Variants in ITPR2 observed in about 807,000 individuals in gnomAD.
ITPR2 encodes the protein inositol 1,4,5-trisphosphate-gated calcium channel ITPR2.
Under a neutral mutation model 317.1 loss-of-function variants are expected in ITPR2, and 207 were observed. That is an observed-to-expected ratio of 0.65 (90% CI 0.58 to 0.73). ITPR2 has a LOEUF of 0.73. Among genes scored for constraint, ITPR2 ranks in the 30% least tolerant of loss-of-function variants. ITPR2 has a pLI of 0.00. For missense variants in ITPR2, 2,613 were observed against 3,284.0 expected (o/e 0.80, Z 4.99); for synonymous variants, 1,156 against 1,149.1 (o/e 1.01, Z -0.12).
intron 52 of ITPR2, among the ~76,000 whole-genome samples, chr12:26,409,515 A>T (rs1940470944): frequency 6.6e-6 from 1 of 152,188 alleles, no homozygotes; most frequent in African/African-American, 2.4e-5. Flanking sequence ...GAAATCTTCT[A>T]GAACAGAGGT....
At chr12:26,626,032 A>C (rs1224997369) in intron 23 of ITPR2, among the ~76,000 whole-genome samples, 1 of 152,020 alleles carries the variant, frequency 6.6e-6, no homozygotes, top group African/African-American at 2.4e-5. Context: ...CACAACTTCA[A>C]CTCACTGCAG....
chr12:26,694,051 G>T (rs1948288549), intron 10 of ITPR2, among the ~76,000 whole-genome samples: 1 of 152,208 alleles, frequency 6.6e-6, no homozygotes, highest in African/African-American at 2.4e-5. Flanking sequence ...TGCTGAAGAA[G>T]TCACACAGAA....
Position 26,715,395 on chromosome 12 carries a change from A to G in ITPR2, c.759T>C (p.Cys253=), listed in dbSNP as rs772759279. The G allele has an allele frequency of 5.6e-6, 9 of 1,613,566 alleles. No homozygotes were observed. The highest frequency in any genetic ancestry group is 1.7e-5 in the Admixed American group (1 of 59,948). The part of the protein sequence containing the change: ...FHAEQEKFLT[C]DEYEKKQHIF... ...TGTGCTGTTTTTTCTCATATTCATCACAAGTCAAAAACTTCTCTTGTTCCG... is the reference window on the plus strand; with the variant it reads ...TGTGCTGTTTTTTCTCATATTCATCGCAAGTCAAAAACTTCTCTTGTTCCG... The change falls in exon 8 of 57, where the codon TGT becomes TGC. Residue 253 remains cysteine, a synonymous_variant. Coordinates refer to ENST00000381340, the MANE Select transcript of ITPR2 (RefSeq NM_002223.4).
chr12:26,594,941 T>C (rs1372833398), intron 32 of ITPR2, among the ~76,000 whole-genome samples: 2 of 152,142 alleles, frequency 1.3e-5, no homozygotes, highest in African/African-American at 2.4e-5. Flanking sequence ...TAAGCGAATA[T>C]AATTTGGTGG....
At chr12:26,428,903 A>T (rs1040102136) in intron 48 of ITPR2, among the ~76,000 whole-genome samples, 1 of 152,186 alleles carries the variant, frequency 6.6e-6, no homozygotes, top group Non-Finnish European at 1.5e-5. Flanking sequence ...GGCTGATTGG[A>T]TCAGCTCTGG....
chr12:26,547,062 A>C lies in ITPR2; in HGVS notation c.5073+3185T>G, dbSNP rs1350930735. Among the ~76,000 whole-genome samples, 6 of 152,334 alleles carry C rather than the reference A, an allele frequency of 3.9e-5. No individual in the cohort carries two copies. In the South Asian group the frequency reaches 6.2e-4, roughly 16 times the overall value. On this transcript the variant is annotated intron_variant, in intron 37 of 56. Coordinates refer to ENST00000381340, the MANE Select transcript of ITPR2 (RefSeq NM_002223.4). ...AAAAATAGACAAATGGGACTATCTT[A>C]AACTAAAAAGCTTCTGCACAGCAGA...
At chr12:26,674,755 A>G (rs9795847) in intron 13 of ITPR2, among the ~76,000 whole-genome samples, 32,280 of 152,086 alleles carry the variant, frequency 0.21, 4,111 homozygotes, top group East Asian at 0.55. Context: ...CAGAGTGAAC[A>G]GGCAACCCAC....
intron 45 of ITPR2, 126 bp from the exon 46 acceptor site, chr12:26,443,776 A>G: frequency 1.7e-6 from 1 of 578,528 alleles, no homozygotes; most frequent in East Asian, 3.0e-5. Flanking sequence ...AATTAGTTAC[A>G]CTTCAGGAAA....
intron 55 of ITPR2, among the ~76,000 whole-genome samples, chr12:26,347,134 T>C (rs1159896564): frequency 6.6e-6 from 1 of 152,220 alleles, no homozygotes; most frequent in Admixed American, 6.5e-5. Context: ...AGTTCTTCCA[T>C]ATTACATAGT....
intron 37 of ITPR2, among the ~76,000 whole-genome samples, chr12:26,515,319 T>C (rs1162693300): frequency 1.3e-5 from 2 of 152,176 alleles, no homozygotes; most frequent in Non-Finnish European, 2.9e-5. Context: ...TCTCATTTTC[T>C]ACAGTGATTT....
chr12:26,761,431 C>T (rs555304947), intron 2 of ITPR2, among the ~76,000 whole-genome samples: 2 of 152,198 alleles, frequency 1.3e-5, no homozygotes, highest in East Asian at 3.9e-4. Flanking sequence ...AACAAAGCAA[C>T]AGTGACTGGC....
rs553438710 is a variant in ITPR2, at chr12:26,495,243, C to A, written c.5091G>T (p.Lys1697Asn). ...CTTTAAAGTATCGATTCAGAAGTAT[C>A]TTTCTTAATGTGTTACCCTAATAAG... ...SFVEEGNTLR[K>N]ILLNRYFKGD... The change falls in exon 38 of 57, where the codon AAG (lysine) becomes AAT (asparagine). Residue 1697 changes from lysine (K) to asparagine (N), a missense_variant. Coordinates refer to ENST00000381340, the MANE Select transcript of ITPR2 (RefSeq NM_002223.4). 2 of 1,579,956 alleles carry A rather than the reference C, an allele frequency of 1.3e-6. No homozygotes were observed. The highest frequency in any genetic ancestry group is 1.3e-5 in the African/African-American group (1 of 74,354).
intron 48 of ITPR2, among the ~76,000 whole-genome samples, chr12:26,432,323 T>A (rs1011217575): frequency 2.0e-5 from 3 of 152,206 alleles, no homozygotes; most frequent in South Asian, 2.1e-4. Context: ...TATGTTGTAG[T>A]ATATCCCTCA....
intron 35 of ITPR2, among the ~76,000 whole-genome samples, chr12:26,561,430 G>A (rs911502611): frequency 2.0e-5 from 3 of 152,092 alleles, no homozygotes; most frequent in Non-Finnish European, 4.4e-5. Context: ...GGATTAGAAG[G>A]GAATACTAAA....
intron 34 of ITPR2, among the ~76,000 whole-genome samples, chr12:26,568,794 A>C (rs1439715809): frequency 1.3e-5 from 2 of 152,188 alleles, no homozygotes; most frequent in Admixed American, 1.3e-4. Flanking sequence ...AGAATGGCAC[A>C]TTTCCTGTAT....
intron 34 of ITPR2, among the ~76,000 whole-genome samples, chr12:26,573,627 G>T (rs1045428879): frequency 6.6e-6 from 1 of 152,194 alleles, no homozygotes; most frequent in African/African-American, 2.4e-5. Context: ...CTTATATTTT[G>T]AACTGAGATC....
intron 30 of ITPR2, among the ~76,000 whole-genome samples, chr12:26,597,985 T>C (rs1393800697): frequency 6.6e-6 from 1 of 152,214 alleles, no homozygotes; most frequent in African/African-American, 2.4e-5. Context: ...AATGTATGTG[T>C]ATCAAAAATA....
intron 33 of ITPR2, among the ~76,000 whole-genome samples, chr12:26,579,494 T>C (rs1251642008): frequency 6.6e-6 from 1 of 152,134 alleles, no homozygotes; most frequent in Non-Finnish European, 1.5e-5. Flanking sequence ...TTCAGTGGCC[T>C]AATATTACTT....
At chr12:26,629,168 C>G (rs1357242607) in intron 22 of ITPR2, among the ~76,000 whole-genome samples, 3 of 152,206 alleles carry the variant, frequency 2.0e-5, no homozygotes, top group African/African-American at 7.2e-5. Context: ...TACGCCCCTT[C>G]TCTCATCCTC....
Sources: gnomAD v4.1 joint callset for allele counts (sites outside exome capture counted in the v4.1 genomes callset) on GRCh38, gnomAD v4.1.1 for gene constraint, MANE v1.5 for transcripts, NCBI Gene and HGNC (gene_info 2026-07-23, HGNC 2026-07-21) for gene names.